KIAA0753: variants seen among roughly 807,000 people sequenced by gnomAD.
The protein encoded by KIAA0753 is protein moonraker.
In KIAA0753, 114 loss-of-function variants were observed where a neutral mutation model predicts 116.9. The ratio of observed to expected loss-of-function variants is 0.98; its 90% CI spans 0.84 to 1.14. The LOEUF is 1.14. KIAA0753 is among the 50% of genes most tolerant of loss of function. The probability of loss-of-function intolerance (pLI) is 0.00; values close to 1 mark genes in which losing one functional copy is unlikely to be tolerated. For missense variants in KIAA0753, 1,156 were observed against 1,172.4 expected (o/e 0.99, Z 0.20); for synonymous variants, 405 against 413.1 (o/e 0.98, Z 0.24).
At chr17:6,616,431 TA>T (rs1970938428) in intron 7 of KIAA0753, among the ~76,000 whole-genome samples, 1 of 152,224 alleles carries the variant, frequency 6.6e-6, no homozygotes, top group African/African-American at 2.4e-5. Flanking sequence ...AATGCCACCT[TA>T]CATTTTTACA....
intron 2 of KIAA0753, among the ~76,000 whole-genome samples, chr17:6,632,290 T>C (rs1216181646): frequency 1.3e-5 from 2 of 152,196 alleles, no homozygotes; most frequent in African/African-American, 2.4e-5. Flanking sequence ...TGGCTCTCAC[T>C]GGCTAAATCA....
intron 7 of KIAA0753, among the ~76,000 whole-genome samples, chr17:6,619,180 G>T (rs1005692792): frequency 6.6e-6 from 1 of 151,700 alleles, no homozygotes; most frequent in Non-Finnish European, 1.5e-5. Context: ...AGTGAGCCGA[G>T]ATCACATCAC....
chr17:6,625,749 C>T (rs1255795971), intron 3 of KIAA0753, among the ~76,000 whole-genome samples: 1 of 152,096 alleles, frequency 6.6e-6, no homozygotes, highest in Non-Finnish European at 1.5e-5. Flanking sequence ...CTTTCTGAGG[C>T]AGAGTCTCAC....
intron 8 of KIAA0753, among the ~76,000 whole-genome samples, chr17:6,610,865 T>C (rs901849318): frequency 6.6e-6 from 1 of 152,216 alleles, no homozygotes; most frequent in African/African-American, 2.4e-5. Flanking sequence ...GGGCTGTCTG[T>C]GGAGAGGCGC....
intron 4 of KIAA0753, 106 bp downstream of exon 4, chr17:6,624,649 T>C (rs539820990): frequency 1.4e-4 from 95 of 689,352 alleles, no homozygotes; most frequent in African/African-American, 1.3e-3. Flanking sequence ...AGAACTCATA[T>C]GGGATACTCT....
intron 9 of KIAA0753, among the ~76,000 whole-genome samples, chr17:6,609,138 T>C (rs1199176105): frequency 6.6e-6 from 1 of 152,230 alleles, no homozygotes; most frequent in Admixed American, 6.5e-5. Flanking sequence ...CGGCCATTCC[T>C]TCACACTCAT....
chr17:6,582,011 C>T (rs1259616718), intron 18 of KIAA0753, among the ~76,000 whole-genome samples: 3 of 152,168 alleles, frequency 2.0e-5, no homozygotes, highest in African/African-American at 7.2e-5. Context: ...GTGCTCACTG[C>T]TACTGGCACC....
Position 6,596,282 on chromosome 17 carries a change from C to T in KIAA0753, c.2234G>A (p.Cys745Tyr), listed in dbSNP as rs1969478040. 1 of 1,490,852 alleles carries T rather than the reference C, an allele frequency of 6.7e-7. No homozygotes were observed. Among genetic ancestry groups the T allele is most frequent in the African/African-American group, 1.4e-5 (1 of 69,744 alleles). 92.4% of individuals were successfully genotyped at this position (1,490,852 alleles called of 1,614,324 possible). A position where few individuals can be genotyped will look rare whatever the true frequency, so the allele number is the denominator to read the frequency against. ...IRQLDDFLEDCASELWAVTHA... is the reference protein window; with the variant it reads ...IRQLDDFLEDYASELWAVTHA... The stretch of plus-strand genomic sequence containing the variant: ...AGTCACAGCCCAGAGCTCACTGGCA[C>T]AATCTTCCAAAAAATCATCAAGCTG... The change falls in exon 15 of 19, where the codon TGT becomes TAT. Residue 745 changes from cysteine (C) to tyrosine (Y), a missense_variant. By Grantham distance (194) the Cys-to-Tyr change is radical. Transcript: ENST00000361413.
In KIAA0753 at chr17:6,580,342, TCTCGCTCTGTTG is replaced by T. The variant is rs546798173; in HGVS notation, c.2787-490_2787-479del. On this transcript the variant is annotated intron_variant, in intron 18 of 18. Transcript: ENST00000361413. ...TTTTTTTTTTTTTTTTGAGACGGAG[TCTCGCTCTGTTG>T]CCCAGGCTGGAGTGCAGTGGCACCA... Among the ~76,000 whole-genome samples the T allele has an allele frequency of 6.4e-3, 904 of 141,352 alleles. 6 individuals carry two copies. Among genetic ancestry groups the T allele is most frequent in the South Asian group, 0.021 (92 of 4,356 alleles). The allele number at this position is 141,352 out of a possible 152,430, so 92.7% of individuals were successfully genotyped here. A position where few individuals can be genotyped will look rare whatever the true frequency, so the allele number is the denominator to read the frequency against.
intron 18 of KIAA0753, among the ~76,000 whole-genome samples, chr17:6,583,757 A>T (rs1333880626): frequency 6.6e-6 from 1 of 152,200 alleles, no homozygotes; most frequent in African/African-American, 2.4e-5. Context: ...TATTTCTATG[A>T]ATGCACTAGG....
At position 6,622,954 on chromosome 17, in the gene KIAA0753, T is replaced by G. The variant is rs774308096; in HGVS notation, c.1032A>C (p.Ser344=). The change falls in exon 6 of 19, where the codon TCA becomes TCC. Residue 344 remains serine, a synonymous_variant. Transcript: ENST00000361413. ...CTGCATCCAGCTTGACAGAACAAAG[T>G]GAAAGCTGGCGAATAAGGCTGCCCA... ...KELGSLIRQL[S]LCSVKLDADP... 1.5e-5 allele frequency: 25 copies of G among 1,614,128 alleles called. 1 individual carries two copies. The South Asian group carries it at 2.6e-4, about 17-fold the overall frequency.
chr17:6,590,571 T>G lies in KIAA0753; in HGVS notation c.2500A>C (p.Lys834Gln). The change falls in exon 17 of 19, where the codon AAG becomes CAG. Residue 834 changes from lysine to glutamine, a missense_variant. Physicochemically the swap from Lys to Gln is moderately conservative, Grantham distance 53. Transcript: ENST00000361413. ...PLSPHPIRIT[K>Q]TVDRKDPAVN... ...GCTGGATCCTTGCGATCCACTGTCT[T>G]CGTGATTCTGATTGGATGAGGAGAT... is the stretch of plus-strand genomic sequence containing the variant. 1 of 1,614,112 alleles carries G rather than the reference T, an allele frequency of 6.2e-7. No individual in the cohort carries two copies. Among genetic ancestry groups the G allele is most frequent in the Non-Finnish European group, 8.5e-7 (1 of 1,179,972 alleles).
chr17:6,603,484 A>G (rs1970002302), intron 12 of KIAA0753, among the ~76,000 whole-genome samples: 1 of 152,248 alleles, frequency 6.6e-6, no homozygotes, highest in Non-Finnish European at 1.5e-5. Context: ...GCCAATGAGC[A>G]GAAATGCTCA....
intron 2 of KIAA0753, among the ~76,000 whole-genome samples, chr17:6,629,030 C>G (rs1971862962): frequency 6.6e-6 from 1 of 152,240 alleles, no homozygotes; most frequent in Admixed American, 6.5e-5. Flanking sequence ...GCAGCAACCA[C>G]TAAGTCCTTC....
At chr17:6,580,958 C>T (rs1968136797) in intron 18 of KIAA0753, among the ~76,000 whole-genome samples, 3 of 151,582 alleles carry the variant, frequency 2.0e-5, no homozygotes, top group South Asian at 2.1e-4. Flanking sequence ...GCGCAAGCTT[C>T]GTATCTCCCA....
intron 12 of KIAA0753, among the ~76,000 whole-genome samples, chr17:6,606,300 T>C (rs1490487981): frequency 6.6e-6 from 1 of 152,154 alleles, no homozygotes; most frequent in East Asian, 1.9e-4. Flanking sequence ...TTTCAATGAG[T>C]GTTCTGTTAA....
At position 6,589,954 on chromosome 17, in the gene KIAA0753, C is replaced by T. The variant is rs1222979836; in HGVS notation, c.2611G>A (p.Ala871Thr). The T allele has an allele frequency of 6.2e-7, 1 of 1,603,360 alleles. No individual in the cohort carries two copies. Among genetic ancestry groups the T allele is most frequent in the Admixed American group, 1.8e-5 (1 of 56,726 alleles). Residue 871 changes from alanine (A) to threonine (T), a missense_variant, in exon 18 of 19, where the codon GCC (alanine) becomes ACC (threonine). Ala to Thr is a moderately conservative substitution (Grantham distance 58). Transcript: ENST00000361413. ...GTEEGSEKRE[A>T]PLLSLAEDSQ... is the part of the protein sequence containing the mutation. ...TCTTCGGCTAGGGAGAGAAGAGGGG[C>T]CTCTCTTTTCTCTGATCCTTCCTCT...
chr17:6,599,304 G>C lies in KIAA0753; in HGVS notation c.2105C>G (p.Thr702Arg), dbSNP rs1409193994. Reference protein sequence around the residue: ...LVKAQRVNSTTEANIHLKDGS... With the variant: ...LVKAQRVNSTREANIHLKDGS... The stretch of plus-strand genomic sequence containing the variant: ...ATCTTTCAAATGAATATTTGCTTCT[G>C]TAGTAGAATTGACTCTCTATTAAAA... The change falls in exon 14 of 19, where the codon ACA (threonine) becomes AGA (arginine). Residue 702 changes from threonine to arginine, a missense_variant. Thr to Arg is a moderately conservative substitution (Grantham distance 71). Transcript: ENST00000361413. 3.7e-6 allele frequency: 6 copies of C among 1,612,312 alleles called. No homozygotes were observed. In the Admixed American group the frequency reaches 1.0e-4, roughly 27 times the overall value.
chr17:6,592,032 C>T (rs1969106434), intron 16 of KIAA0753, among the ~76,000 whole-genome samples: 1 of 152,214 alleles, frequency 6.6e-6, no homozygotes, highest in Admixed American at 6.5e-5. Flanking sequence ...AACTAAATTC[C>T]AGTGCAGAGA....
Sources: allele counts gnomAD v4.1 joint callset (sites outside exome capture counted in the v4.1 genomes callset), GRCh38; gene constraint gnomAD v4.1.1; transcripts MANE v1.5; gene names NCBI Gene and HGNC (gene_info 2026-07-23, HGNC 2026-07-21).